The following DNTT variants were observed in gnomAD, a reference collection of about 807,000 sequenced individuals.
DNTT encodes the protein DNA nucleotidylexotransferase.
In DNTT, 47 loss-of-function variants were observed where a neutral mutation model predicts 60.9. That is an observed-to-expected ratio of 0.77 (90% confidence interval 0.61 to 0.98). The LOEUF is 0.98. Ranked by LOEUF, DNTT falls within the 50% of genes least tolerant of loss-of-function variation. The pLI is 0.00. For synonymous variants in DNTT, 224 were observed against 221.2 expected (o/e 1.01, Z -0.11); for missense variants, 665 against 627.5 (o/e 1.06, Z -0.64).
chr10:96,331,271 C>A (rs1845003391), intron 8 of DNTT, among the ~76,000 whole-genome samples: 1 of 152,188 alleles, frequency 6.6e-6, no homozygotes. Flanking sequence ...CTGGTTAAAC[C>A]TGGTCATCAG....
rs192189737 is a variant in DNTT, at chr10:96,318,587, G to A, written c.378+61G>A. On this transcript the variant is annotated intron_variant, in intron 2 of 10. Coordinates refer to ENST00000371174, the MANE Select transcript of DNTT (RefSeq NM_004088.4). Reference sequence around the variant, plus strand: ...CTTGATGGTTAAGAACATAGGCTTAGGATCAACGGAGCTGGGGTAAACCCT... The same window carrying A: ...CTTGATGGTTAAGAACATAGGCTTAAGATCAACGGAGCTGGGGTAAACCCT... The A allele has an allele frequency of 4.3e-4, 674 of 1,560,786 alleles. 2 individuals are homozygous for A. The highest frequency in any genetic ancestry group is 2.6e-3 in the Middle Eastern group (15 of 5,828).
chr10:96,335,119 CCCTACT>C (rs1845051687), intron 9 of DNTT, among the ~76,000 whole-genome samples: 1 of 152,206 alleles, frequency 6.6e-6, no homozygotes, highest in African/African-American at 2.4e-5. Flanking sequence ...CAGGCTTGCT[CCCTACT>C]CCCACATGAA....
chr10:96,327,580 C>T lies in DNTT; in HGVS notation c.987C>T (p.Thr329=). Residue 329 remains threonine, a synonymous_variant, in exon 7 of 11, where the codon ACC becomes ACT. Transcript: ENST00000371174. ...CATTTCTTCCGGATGCTTTCGTCAC[C>T]ATGACAGGAGGGTTCCGGAGGTAAA... ...VWAFLPDAFV[T]MTGGFRRGKK... The T allele has an allele frequency of 3.1e-6, 5 of 1,613,810 alleles. No homozygotes were observed. Among genetic ancestry groups the T allele is most frequent in the Non-Finnish European group, 4.2e-6 (5 of 1,179,896 alleles).
chr10:96,307,778 T>TATATATA (rs1316738831), intron 1 of DNTT, among the ~76,000 whole-genome samples: 20 of 65,598 alleles, frequency 3.0e-4, no homozygotes, highest in African/African-American at 1.1e-3. Context: ...TATATATATA[T>TATATATA]TTTTTTTTTT....
rs751069683 is a variant in DNTT at position 96,328,731 on chromosome 10, G to A, written c.1014G>A (p.Lys338=). 7.5e-5 allele frequency: 121 copies of A among 1,612,330 alleles called. 1 individual carries two copies. The South Asian group carries it at 1.2e-3, about 16-fold the overall frequency. Residue 338 remains lysine, a synonymous_variant, in exon 8 of 11, where the codon AAG becomes AAA. Transcript: ENST00000371174. ...TACTGCTTTTGAAAATTAGGGGTAA[G>A]AAGATGGGGCATGATGTAGATTTTT... The part of the protein sequence containing the change: ...VTMTGGFRRG[K]KMGHDVDFLI...
chr10:96,332,204 T>C (rs908070319), intron 8 of DNTT, 147 bp from the exon 9 acceptor site: 3 of 1,098,112 alleles, frequency 2.7e-6, no homozygotes, highest in Admixed American at 5.3e-5. Context: ...TGTTTTCTCC[T>C]AGTGTTTGCA....
rs374746184 is a variant in DNTT, at chr10:96,338,179, G to A, written c.1485G>A (p.Ala495=). The part of the protein sequence containing the change: ...LKAESEEEIF[A]HLGLDYIEPW... The stretch of plus-strand genomic sequence containing the variant: ...CAGAAAGTGAAGAAGAAATTTTTGC[G>A]CATCTGGGATTGGATTATATTGAAC... The change falls in exon 11 of 11, where the codon GCG becomes GCA. Residue 495 remains alanine, a synonymous_variant. Coordinates refer to ENST00000371174, the MANE Select transcript of DNTT (RefSeq NM_004088.4). 7.4e-5 allele frequency: 119 copies of A among 1,613,120 alleles called. No individual in the cohort carries two copies. The highest frequency in any genetic ancestry group is 1.6e-4 in the Middle Eastern group (1 of 6,074).
At position 96,324,273 on chromosome 10, in the gene DNTT, C is replaced by T. The variant is rs1339237529; in HGVS notation, c.758C>T (p.Thr253Ile). ...DERYQSFKLF[T>I]SVFGVGLKTS... is the part of the protein sequence containing the mutation. Reference sequence around the variant, plus strand: ...CCTTTCCCTCCATTTTAGCTCTTTACTTCTGTATTTGGAGTGGGGCTGAAG... The same window carrying T: ...CCTTTCCCTCCATTTTAGCTCTTTATTTCTGTATTTGGAGTGGGGCTGAAG... The change falls in exon 6 of 11, where the codon ACT becomes ATT. Residue 253 changes from threonine (T) to isoleucine (I), a missense_variant. Thr to Ile is a moderately conservative substitution (Grantham distance 89). Transcript: ENST00000371174. The T allele has an allele frequency of 1.2e-6, 2 of 1,613,062 alleles. No individual in the cohort carries two copies. Among genetic ancestry groups the T allele is most frequent in the Non-Finnish European group, 1.7e-6 (2 of 1,179,364 alleles).
chr10:96,321,759 C>T (rs922771439), intron 4 of DNTT, among the ~76,000 whole-genome samples: 7 of 152,084 alleles, frequency 4.6e-5, no homozygotes, highest in African/African-American at 9.7e-5. Flanking sequence ...ACCTGATGGT[C>T]GCCTGACATT....
intron 1 of DNTT, among the ~76,000 whole-genome samples, chr10:96,310,194 C>G (rs940910482): frequency 1.3e-5 from 2 of 152,214 alleles, no homozygotes; most frequent in African/African-American, 4.8e-5. Context: ...AAGTCTCATG[C>G]CTTTTGTTCC....
At chr10:96,310,629 A>G in intron 1 of DNTT, among the ~76,000 whole-genome samples, 1 of 152,180 alleles carries the variant, frequency 6.6e-6, no homozygotes, top group South Asian at 2.1e-4. Flanking sequence ...GTGGGCTCCC[A>G]GCTTTTCCTT....
intron 10 of DNTT, among the ~76,000 whole-genome samples, chr10:96,336,760 G>A (rs900040731): frequency 6.6e-6 from 1 of 151,902 alleles, no homozygotes; most frequent in Non-Finnish European, 1.5e-5. Context: ...CAGCCAACAT[G>A]GTGAAACCCC....
intron 1 of DNTT, among the ~76,000 whole-genome samples, chr10:96,312,192 A>C (rs111911314): frequency 2.6e-4 from 40 of 152,334 alleles, no homozygotes; most frequent in African/African-American, 9.6e-4. Flanking sequence ...TGGGAGTCAA[A>C]TCTAGGCTGG....
intron 10 of DNTT, among the ~76,000 whole-genome samples, chr10:96,336,939 G>GAAAAAA (rs1223826665): frequency 7.3e-5 from 5 of 68,272 alleles, no homozygotes; most frequent in African/African-American, 6.9e-5. Flanking sequence ...CTCTGTGTCA[G>GAAAAAA]GAAAAAAAAA....
intron 4 of DNTT, among the ~76,000 whole-genome samples, chr10:96,321,334 C>A (rs1812579618): frequency 6.6e-6 from 1 of 152,084 alleles, no homozygotes; most frequent in African/African-American, 2.4e-5. Context: ...CTTCTGGGGT[C>A]CTGCGTCACT....
intron 1 of DNTT, among the ~76,000 whole-genome samples, chr10:96,310,923 C>T (rs1844707709): frequency 6.6e-6 from 1 of 152,140 alleles, no homozygotes; most frequent in Non-Finnish European, 1.5e-5. Flanking sequence ...AGAGCATGAG[C>T]ATGAGATATA....
chr10:96,323,378 G>T (rs940153852), intron 5 of DNTT, among the ~76,000 whole-genome samples: 1 of 152,132 alleles, frequency 6.6e-6, no homozygotes, highest in Non-Finnish European at 1.5e-5. Context: ...CTTAAATACG[G>T]TCATACTGGG....
At chr10:96,326,369 T>C (rs1233094107) in intron 6 of DNTT, among the ~76,000 whole-genome samples, 1 of 152,226 alleles carries the variant, frequency 6.6e-6, no homozygotes, top group Non-Finnish European at 1.5e-5. Context: ...AAAGTAGTGT[T>C]CCACAAGTGG....
chr10:96,315,339 A>T (rs1817779012), intron 1 of DNTT, among the ~76,000 whole-genome samples: 1 of 152,102 alleles, frequency 6.6e-6, no homozygotes, highest in Non-Finnish European at 1.5e-5. Context: ...CTTGTTGGGA[A>T]CTAGTGGCAA....
Sources: allele counts gnomAD v4.1 joint callset (sites outside exome capture counted in the v4.1 genomes callset), GRCh38; gene constraint gnomAD v4.1.1; transcripts MANE v1.5; gene names NCBI Gene and HGNC (gene_info 2026-07-23, HGNC 2026-07-21).